The following HS3ST2 variants were observed in gnomAD, a reference collection of about 807,000 sequenced individuals.
HS3ST2 encodes the protein heparan sulfate-glucosamine 3-sulfotransferase 2.
A neutral mutation model predicts 26.3 loss-of-function variants in HS3ST2; 17 were observed. The ratio of observed to expected loss-of-function variants is 0.65; its 90% CI spans 0.44 to 0.97. The LOEUF is 0.97. Ranked by LOEUF, HS3ST2 falls within the 50% of genes least tolerant of loss-of-function variation. The pLI is 0.00. For synonymous variants in HS3ST2, 237 were observed against 219.2 expected (o/e 1.08, Z -0.72); for missense variants, 402 against 501.2 (o/e 0.80, Z 1.89).
chr16:22,837,553 A>G (rs576863937), intron 1 of HS3ST2, among the ~76,000 whole-genome samples: 9 of 141,060 alleles, frequency 6.4e-5, no homozygotes, highest in Non-Finnish European at 1.2e-4. Context: ...ATGTATATAT[A>G]TGTATATATA....
intron 1 of HS3ST2, among the ~76,000 whole-genome samples, chr16:22,893,773 A>G (rs1312068213): frequency 2.0e-5 from 3 of 151,704 alleles, no homozygotes; most frequent in Admixed American, 6.6e-5. Flanking sequence ...ATGAGAACAC[A>G]TGGACACAGG....
intron 1 of HS3ST2, among the ~76,000 whole-genome samples, chr16:22,866,851 T>TATAAA (rs2141191602): frequency 6.6e-6 from 1 of 152,150 alleles, no homozygotes; most frequent in Admixed American, 6.6e-5. Flanking sequence ...AAAACTTTAC[T>TATAAA]AGATAATATA....
chr16:22,819,366 T>A lies in HS3ST2; in HGVS notation c.485+4271T>A, dbSNP rs574155404. 7.2e-5 allele frequency among the ~76,000 whole-genome samples: 11 copies of A among 152,256 alleles called. 2 individuals carry two copies. The highest frequency in any genetic ancestry group is 2.4e-4 in the African/African-American group (10 of 41,544). ...AAATGTTTTTCCAAATCTAAGGTTA[T>A]CTTTAGGATGCTCTCCATTCTAAGG... On this transcript the variant is annotated intron_variant, in intron 1 of 1. Transcript: ENST00000261374.
intron 1 of HS3ST2, among the ~76,000 whole-genome samples, chr16:22,823,553 G>T (rs936773607): frequency 6.6e-6 from 1 of 151,482 alleles, no homozygotes; most frequent in African/African-American, 2.4e-5. Context: ...GGAGGCCGAC[G>T]CTGGGTAATC....
At position 22,877,353 on chromosome 16, in the gene HS3ST2, G is replaced by T. The variant is rs111884830; in HGVS notation, c.486-37591G>T. Among the ~76,000 whole-genome samples the T allele has an allele frequency of 1.9e-4, 29 of 152,308 alleles. 1 individual carries two copies. Among genetic ancestry groups the T allele is most frequent in the African/African-American group, 6.7e-4 (28 of 41,572 alleles). On this transcript the variant is annotated intron_variant, in intron 1 of 1. Transcript: ENST00000261374. The stretch of plus-strand genomic sequence containing the variant: ...TAGTCCTAGCAGGATTGACGGGGAG[G>T]ATTGCTGACCGTGGCGTGCTCAGCG...
intron 1 of HS3ST2, among the ~76,000 whole-genome samples, chr16:22,878,493 G>A (rs992343167): frequency 2.8e-4 from 43 of 152,120 alleles, no homozygotes; most frequent in Admixed American, 2.8e-3. Context: ...AGTTGAAAGG[G>A]ATTAACCAGC....
chr16:22,857,970 C>T (rs1008088733), intron 1 of HS3ST2, among the ~76,000 whole-genome samples: 7 of 152,074 alleles, frequency 4.6e-5, no homozygotes, highest in African/African-American at 1.4e-4. Context: ...ATAGCTTTTG[C>T]GGTGGTTGTT....
intron 1 of HS3ST2, among the ~76,000 whole-genome samples, chr16:22,847,597 C>G (rs1408887791): frequency 2.0e-5 from 3 of 151,378 alleles, no homozygotes; most frequent in Non-Finnish European, 4.4e-5. Flanking sequence ...TCATGGATTG[C>G]CTATAGGAGA....
At chr16:22,862,861 C>T (rs1256703243) in intron 1 of HS3ST2, among the ~76,000 whole-genome samples, 1 of 152,238 alleles carries the variant, frequency 6.6e-6, no homozygotes, top group Non-Finnish European at 1.5e-5. Context: ...GTTTTGTTCA[C>T]TGCTTATGTC....
chr16:22,878,161 A>G (rs760040282), intron 1 of HS3ST2, among the ~76,000 whole-genome samples: 5 of 152,218 alleles, frequency 3.3e-5, no homozygotes, highest in East Asian at 3.8e-4. Flanking sequence ...TTTAGAATTT[A>G]TTGTGTACAT....
chr16:22,822,703 A>C (rs1017831210), intron 1 of HS3ST2, among the ~76,000 whole-genome samples: 2 of 152,002 alleles, frequency 1.3e-5, no homozygotes, highest in African/African-American at 4.8e-5. Flanking sequence ...AAAATACAAA[A>C]AATTAGCTGG....
At chr16:22,815,933 C>G (rs1040985267) in intron 1 of HS3ST2, among the ~76,000 whole-genome samples, 1 of 152,148 alleles carries the variant, frequency 6.6e-6, no homozygotes, top group Non-Finnish European at 1.5e-5. Context: ...GAAGGTGGGC[C>G]CTGCGGGTGA....
intron 1 of HS3ST2, among the ~76,000 whole-genome samples, chr16:22,817,860 A>T (rs896091742): frequency 1.3e-5 from 2 of 150,910 alleles, no homozygotes; most frequent in African/African-American, 4.9e-5. Context: ...TAGTGGAAAA[A>T]TCAAAAGCTT....
intron 1 of HS3ST2, among the ~76,000 whole-genome samples, chr16:22,827,640 T>C (rs1040266290): frequency 5.3e-5 from 8 of 151,726 alleles, no homozygotes; most frequent in Non-Finnish European, 1.0e-4. Flanking sequence ...GCAGTGTTGC[T>C]GCTGAGGTTG....
chr16:22,851,595 A>T (rs1272307486), intron 1 of HS3ST2, among the ~76,000 whole-genome samples: 1 of 152,206 alleles, frequency 6.6e-6, no homozygotes, highest in Non-Finnish European at 1.5e-5. Context: ...AGAATCTCAG[A>T]TATAATCCAT....
intron 1 of HS3ST2, among the ~76,000 whole-genome samples, chr16:22,857,891 T>C (rs1055900962): frequency 6.6e-6 from 1 of 152,158 alleles, no homozygotes; most frequent in Non-Finnish European, 1.5e-5. Context: ...CATTTCCATC[T>C]ATAATTAATA....
intron 1 of HS3ST2, among the ~76,000 whole-genome samples, chr16:22,864,361 A>G (rs1264696117): frequency 6.6e-6 from 1 of 152,234 alleles, no homozygotes; most frequent in Non-Finnish European, 1.5e-5. Flanking sequence ...AACACAGGAA[A>G]TATGTCAGGA....
chr16:22,863,445 A>G (rs1402600871), intron 1 of HS3ST2, among the ~76,000 whole-genome samples: 1 of 152,064 alleles, frequency 6.6e-6, no homozygotes, highest in East Asian at 1.9e-4. Context: ...TTTAACTTTT[A>G]TTTTAGATTC....
intron 1 of HS3ST2, among the ~76,000 whole-genome samples, chr16:22,886,697 ACT>A (rs1902064146): frequency 6.6e-6 from 1 of 151,658 alleles, no homozygotes; most frequent in South Asian, 2.1e-4. Flanking sequence ...GGAGACATTT[ACT>A]CTGTTTTCCT....
Sources: allele counts gnomAD v4.1 joint callset (sites outside exome capture counted in the v4.1 genomes callset), GRCh38; gene constraint gnomAD v4.1.1; transcripts MANE v1.5; gene names NCBI Gene and HGNC (gene_info 2026-07-23, HGNC 2026-07-21).